Variants in SLC9A1 observed in about 807,000 individuals in gnomAD.
The protein encoded by SLC9A1 is sodium/hydrogen exchanger 1.
In SLC9A1, 22 loss-of-function variants were observed where a neutral mutation model predicts 67.9. The observed-to-expected ratio is 0.32, with a 90% confidence interval of 0.23 to 0.46. The LOEUF (loss-of-function observed/expected upper bound fraction) is 0.46, where lower values mean the gene tolerates loss of function less well. SLC9A1 is among the 20% of genes least tolerant of loss of function. The probability of loss-of-function intolerance (pLI) is 1.00; values close to 1 mark genes in which losing one functional copy is unlikely to be tolerated. For synonymous variants in SLC9A1, 421 were observed against 471.8 expected (o/e 0.89, Z 1.40); for missense variants, 686 against 1,094.8 (o/e 0.63, Z 5.27).
intron 1 of SLC9A1, among the ~76,000 whole-genome samples, chr1:27,126,910 G>A (rs1451356897): frequency 6.6e-6 from 1 of 152,202 alleles, no homozygotes; most frequent in Non-Finnish European, 1.5e-5. Context: ...GTGAGAGTTA[G>A]GCACCAAGAA....
intron 1 of SLC9A1, among the ~76,000 whole-genome samples, chr1:27,139,614 G>A (rs999932042): frequency 5.3e-5 from 8 of 151,196 alleles, no homozygotes; most frequent in African/African-American, 2.0e-4. Flanking sequence ...GGTGCAGTTA[G>A]CTTCTCTGCC....
intron 2 of SLC9A1, among the ~76,000 whole-genome samples, chr1:27,110,654 G>C (rs1329184873): frequency 6.6e-6 from 1 of 152,204 alleles, no homozygotes; most frequent in Non-Finnish European, 1.5e-5. Context: ...TTGCTAAACC[G>C]AGGCTCACAG....
intron 1 of SLC9A1, among the ~76,000 whole-genome samples, chr1:27,141,260 C>T (rs1309312360): frequency 2.0e-5 from 3 of 152,204 alleles, no homozygotes; most frequent in East Asian, 1.9e-4. Context: ...CCCAAGGTCA[C>T]GGTGCTACAA....
At position 27,153,977 on chromosome 1, in the gene SLC9A1, A is replaced by G; in HGVS notation, c.352+6T>C. 6.5e-7 allele frequency: 1 copy of G among 1,540,224 alleles called. No homozygotes were observed. Among genetic ancestry groups the G allele is most frequent in the Non-Finnish European group, 8.8e-7 (1 of 1,135,834 alleles). On this transcript the variant is annotated splice_donor_region_variant and intron_variant, in intron 1 of 11. Coordinates refer to ENST00000263980, the MANE Select transcript of SLC9A1 (RefSeq NM_003047.5). Reference sequence around the variant, plus strand: ...CGGCCGCAGCATCGGAGCAAACGGGACTTACCTATCTTCATGAGGCAGGCC... The same window carrying G: ...CGGCCGCAGCATCGGAGCAAACGGGGCTTACCTATCTTCATGAGGCAGGCC...
intron 5 of SLC9A1, among the ~76,000 whole-genome samples, chr1:27,105,293 TTC>T (rs940274716): frequency 6.6e-6 from 1 of 152,238 alleles, no homozygotes; most frequent in South Asian, 2.1e-4. Context: ...CTGTACCCAC[TTC>T]TCTCTCTTTT....
At chr1:27,121,888 C>T (rs2083306697) in intron 1 of SLC9A1, among the ~76,000 whole-genome samples, 1 of 152,212 alleles carries the variant, frequency 6.6e-6, no homozygotes, top group Middle Eastern at 3.4e-3. Flanking sequence ...TTTGGGAGGC[C>T]GAGGTGGGTG....
At chr1:27,108,090 C>T (rs1377975399) in intron 3 of SLC9A1, among the ~76,000 whole-genome samples, 2 of 130,732 alleles carry the variant, frequency 1.5e-5, no homozygotes, top group Admixed American at 8.5e-5. Context: ...TTTTTTGAGA[C>T]GAGTCTCACT....
At chr1:27,105,349 G>A (rs989915383) in intron 5 of SLC9A1, 2 of 225,706 alleles carry the variant, frequency 8.9e-6, no homozygotes, top group Non-Finnish European at 1.8e-5. Context: ...ACCCAGGCTG[G>A]AGTGCAATGG....
At chr1:27,151,259 T>C (rs1033809999) in intron 1 of SLC9A1, among the ~76,000 whole-genome samples, 4 of 152,228 alleles carry the variant, frequency 2.6e-5, no homozygotes, top group East Asian at 1.9e-4. Context: ...CTGTCACTCA[T>C]TGAACACTTC....
rs570041360 is a variant in SLC9A1 at position 27,124,408 on chromosome 1, AAATTC to A, written c.353-10127_353-10123del. Among the ~76,000 whole-genome samples, 14 of 152,332 alleles carry A rather than the reference AAATTC, an allele frequency of 9.2e-5. No homozygotes were observed. The South Asian group carries it at 2.9e-3, about 32-fold the overall frequency. ...TAGCTTAGAAGCTTACCAATGTGTTAAATTCATTATATATAACTTCAACTTGCTTG... is the reference window on the plus strand; with the variant it reads ...TAGCTTAGAAGCTTACCAATGTGTTAATTATATATAACTTCAACTTGCTTG... On this transcript the variant is annotated intron_variant, in intron 1 of 11. Coordinates refer to ENST00000263980, the MANE Select transcript of SLC9A1 (RefSeq NM_003047.5).
At chr1:27,107,425 CT>C (rs1358535507) in intron 4 of SLC9A1, among the ~76,000 whole-genome samples, 15 of 150,494 alleles carry the variant, frequency 1.0e-4, no homozygotes, top group Admixed American at 8.6e-4. Flanking sequence ...TCCAGCCCCC[CT>C]ACAATGCACT....
chr1:27,104,882 G>T (rs2083173548), intron 5 of SLC9A1, among the ~76,000 whole-genome samples: 1 of 152,202 alleles, frequency 6.6e-6, no homozygotes, highest in Non-Finnish European at 1.5e-5. Flanking sequence ...GCAAAGTCAG[G>T]TAAGGCAGAG....
intron 1 of SLC9A1, among the ~76,000 whole-genome samples, chr1:27,121,833 C>T (rs900272044): frequency 6.6e-6 from 1 of 152,098 alleles, no homozygotes; most frequent in African/African-American, 2.4e-5. Flanking sequence ...TTTCAAAACT[C>T]AGTGGAGGGC....
At chr1:27,113,352 C>A (rs574880915) in intron 2 of SLC9A1, among the ~76,000 whole-genome samples, 1 of 151,884 alleles carries the variant, frequency 6.6e-6, no homozygotes, top group Admixed American at 6.6e-5. Context: ...CCTAGCCACT[C>A]GGAAGGCTGA....
chr1:27,134,799 C>T (rs2083408039), intron 1 of SLC9A1, among the ~76,000 whole-genome samples: 1 of 152,224 alleles, frequency 6.6e-6, no homozygotes, highest in Non-Finnish European at 1.5e-5. Flanking sequence ...TGCAGTGGTA[C>T]AATCTCGGCT....
intron 1 of SLC9A1, among the ~76,000 whole-genome samples, chr1:27,127,981 TG>T (rs747266477): frequency 3.2e-4 from 49 of 152,318 alleles, no homozygotes; most frequent in Non-Finnish European, 5.9e-4. Flanking sequence ...TCTCCATCCT[TG>T]GGGGCTTGTT....
Position 27,154,454 on chromosome 1 carries a change from T to G in SLC9A1, c.-120A>C. ...GCGTAGTCTCTAGGAAAAGTTCATG[T>G]TTTAGAGAGGCATTTCCATGGAAGC... is the stretch of plus-strand genomic sequence containing the variant. On this transcript the variant is annotated 5_prime_UTR_variant, in exon 1 of 12. Transcript: ENST00000263980. The G allele has an allele frequency of 1.7e-6, 1 of 596,610 alleles. No homozygotes were observed. The highest frequency in any genetic ancestry group is 3.2e-5 in the East Asian group (1 of 31,634). The allele number at this position is 596,610 out of a possible 1,614,324, so 37.0% of individuals were successfully genotyped here.
chr1:27,109,538 T>G lies in SLC9A1; in HGVS notation c.1053A>C (p.Ser351=). The G allele has an allele frequency of 6.2e-7, 1 of 1,609,476 alleles. No homozygotes were observed. Among genetic ancestry groups the G allele is most frequent in the Non-Finnish European group, 8.5e-7 (1 of 1,178,304 alleles). The part of the protein sequence containing the change: ...AYLSAELFHL[S]GIMALIASGV... ...GCACGCAGACTCACGCCATGATGCC[T>G]GACAGGTGGAAGAGCTCGGCTGACA... Residue 351 remains serine, a synonymous_variant, in exon 3 of 12, where the codon TCA becomes TCC. Coordinates refer to ENST00000263980, the MANE Select transcript of SLC9A1 (RefSeq NM_003047.5). This position sits in a 1 kb window ranked among gnomAD's most constrained non-coding sequence, Gnocchi z 5.5.
In SLC9A1 at chr1:27,106,292, C is replaced by T. The variant is rs2083184412; in HGVS notation, c.1283-205G>A. ...GTGGATCCTTAAAGGACTTCCCCAA[C>T]CTGGATGTGCTTTAGAGACATCATG... On this transcript the variant is annotated intron_variant, in intron 4 of 11. Transcript: ENST00000263980. The surrounding 1 kb of genome is among the most constrained non-coding windows in gnomAD (Gnocchi z 4.3). 1.3e-5 allele frequency among the ~76,000 whole-genome samples: 2 copies of T among 152,138 alleles called. No homozygotes were observed. The highest frequency in any genetic ancestry group is 2.4e-5 in the African/African-American group (1 of 41,422).
Sources: gnomAD v4.1 joint callset for allele counts (sites outside exome capture counted in the v4.1 genomes callset) on GRCh38, gnomAD v4.1.1 for gene constraint, Gnocchi (gnomAD v3.1) non-coding constraint, MANE v1.5 for transcripts, NCBI Gene and HGNC (gene_info 2026-07-23, HGNC 2026-07-21) for gene names.